The following TGFB2 variants were observed in gnomAD, a reference collection of about 807,000 sequenced individuals.
The protein encoded by TGFB2 is transforming growth factor beta 2.
In TGFB2, 13 loss-of-function variants were observed where a neutral mutation model predicts 42.7. The observed-to-expected ratio is 0.30, with a 90% CI of 0.20 to 0.48. The LOEUF is 0.48. Ranked by LOEUF, TGFB2 falls within the 20% of genes least tolerant of loss-of-function variation. The pLI is 0.99. For synonymous variants in TGFB2, 193 were observed against 193.6 expected (o/e 1.00, Z 0.03); for missense variants, 390 against 517.5 (o/e 0.75, Z 2.39).
chr1:218,418,629 G>A (rs1285843741), intron 2 of TGFB2, among the ~76,000 whole-genome samples: 1 of 152,258 alleles, frequency 6.6e-6, no homozygotes, highest in East Asian at 1.9e-4. Context: ...AGAATGGTAT[G>A]GTTTGGCTGT....
At position 218,374,829 on chromosome 1, in the gene TGFB2, C is replaced by T. The variant is rs1657688421; in HGVS notation, c.346+27782C>T. On this transcript the variant is annotated intron_variant, in intron 1 of 6. Transcript: ENST00000366930. ...TCCCTCTGTGAGTTCAAACTGCTGT[C>T]ACTGGAGTTATAAAGGGACATTTAG... is the stretch of plus-strand genomic sequence containing the variant. Among the ~76,000 whole-genome samples, 11 of 152,160 alleles carry T rather than the reference C, an allele frequency of 7.2e-5. 1 individual carries two copies. Among genetic ancestry groups the T allele is most frequent in the Admixed American group, 7.2e-4 (11 of 15,264 alleles).
chr1:218,439,507 C>T (rs1271745609), intron 6 of TGFB2, among the ~76,000 whole-genome samples: 3 of 152,094 alleles, frequency 2.0e-5, no homozygotes, highest in African/African-American at 7.2e-5. Context: ...GTTCAGGGAG[C>T]ATAAAGTATA....
chr1:218,402,670 A>G (rs2102591956), intron 1 of TGFB2, among the ~76,000 whole-genome samples: 1 of 152,334 alleles, frequency 6.6e-6, no homozygotes, highest in Middle Eastern at 3.4e-3. Context: ...TGTTTGTGAA[A>G]GTGGAAGAGG....
intron 2 of TGFB2, among the ~76,000 whole-genome samples, chr1:218,421,373 GT>G (rs5742078): frequency 0.35 from 50,990 of 145,884 alleles, 9,348 homozygotes; most frequent in East Asian, 0.71. Flanking sequence ...CCAAGAAGCA[GT>G]TTTTTTTTTT....
chr1:218,402,812 G>A (rs996456387), intron 1 of TGFB2, among the ~76,000 whole-genome samples: 1 of 152,192 alleles, frequency 6.6e-6, no homozygotes, highest in Non-Finnish European at 1.5e-5. Context: ...AGCTTCTGCT[G>A]TCTAATGCGG....
At chr1:218,387,997 C>T (rs1032716083) in intron 1 of TGFB2, among the ~76,000 whole-genome samples, 2 of 151,964 alleles carry the variant, frequency 1.3e-5, no homozygotes, top group Admixed American at 6.6e-5. Context: ...CTGGAAGGCC[C>T]ATAGACAGCA....
intron 1 of TGFB2, among the ~76,000 whole-genome samples, chr1:218,361,061 G>A (rs1486394324): frequency 6.6e-6 from 1 of 152,182 alleles, no homozygotes; most frequent in Non-Finnish European, 1.5e-5. Context: ...CACCATATTG[G>A]CCAGGCTGGT....
Position 218,427,004 on chromosome 1 carries a change from A to G in TGFB2, c.511-7078A>G, listed in dbSNP as rs930601025. Among the ~76,000 whole-genome samples, 14 of 152,156 alleles carry G rather than the reference A, an allele frequency of 9.2e-5. 1 individual carries two copies. Among genetic ancestry groups the G allele is most frequent in the Admixed American group, 6.5e-4 (10 of 15,280 alleles). ...TCTGAAGTAGAGATGTTTAAGGACA[A>G]TTGCTGAGCAACCTGAGTGTAGGAT... On this transcript the variant is annotated intron_variant, in intron 2 of 6. Transcript: ENST00000366930.
chr1:218,404,557 T>C (rs1228627043), intron 1 of TGFB2, among the ~76,000 whole-genome samples: 2 of 152,226 alleles, frequency 1.3e-5, no homozygotes, highest in African/African-American at 2.4e-5. Context: ...GCATAAAGAA[T>C]TTTAAAACTG....
chr1:218,436,133 G>C lies in TGFB2; in HGVS notation c.918G>C (p.Ala306=). The C allele has an allele frequency of 6.2e-7, 1 of 1,610,604 alleles. No individual in the cohort carries two copies. Among genetic ancestry groups the C allele is most frequent in the Non-Finnish European group, 8.5e-7 (1 of 1,179,026 alleles). The change falls in exon 5 of 7, where the codon GCG becomes GCC. Residue 306 remains alanine (A), a synonymous_variant. Coordinates refer to ENST00000366930, the MANE Select transcript of TGFB2 (RefSeq NM_003238.6). The part of the protein sequence containing the change: ...TNRRKKRALD[A]AYCFRNVQDN... ...GGCGGAAGAAGCGTGCTTTGGATGC[G>C]GCCTATTGCTTTAGGTAAAGGAAAG...
rs1272370707 is a variant in TGFB2, at chr1:218,395,610, TC to T, written c.347-9558del. Among the ~76,000 whole-genome samples the T allele has an allele frequency of 2.9e-5, 4 of 138,390 alleles. No individual in the cohort carries two copies. The East Asian group carries it at 5.9e-4, about 21-fold the overall frequency. 90.8% of individuals were successfully genotyped at this position (138,390 alleles called of 152,430 possible). ...CTCTTGATTTATTTTCTTTTCTTTT[TC>T]TTTTTTTTTTTTTTTGTTGAGATGG... On this transcript the variant is annotated intron_variant, in intron 1 of 6. Transcript: ENST00000366930.
chr1:218,360,348 T>G (rs376784874), intron 1 of TGFB2, among the ~76,000 whole-genome samples: 16 of 152,380 alleles, frequency 1.1e-4, no homozygotes, highest in South Asian at 1.0e-3. Context: ...TTAATTACTT[T>G]GTAAATTACC....
chr1:218,394,289 C>T (rs6697137), intron 1 of TGFB2, among the ~76,000 whole-genome samples: 5,612 of 152,192 alleles, frequency 0.037, 332 homozygotes, highest in African/African-American at 0.13. Flanking sequence ...GTACACCCTA[C>T]ACAAACTGCC....
chr1:218,414,917 G>A (rs1009664536), intron 2 of TGFB2, among the ~76,000 whole-genome samples: 2 of 152,160 alleles, frequency 1.3e-5, no homozygotes, highest in African/African-American at 4.8e-5. Flanking sequence ...AAGAAGCAGA[G>A]CCAGGATTTG....
At chr1:218,353,623 G>A (rs967499962) in intron 1 of TGFB2, among the ~76,000 whole-genome samples, 6 of 152,216 alleles carry the variant, frequency 3.9e-5, no homozygotes, top group African/African-American at 1.4e-4. Flanking sequence ...TCTGCCTGGT[G>A]TGGTGGCCCA....
At chr1:218,387,513 G>T (rs149603912) in intron 1 of TGFB2, among the ~76,000 whole-genome samples, 109 of 152,212 alleles carry the variant, frequency 7.2e-4, no homozygotes, top group African/African-American at 2.5e-3. Context: ...TAACCTCAAG[G>T]GCAGGTAGTG....
rs1232445204 is a variant in TGFB2 at position 218,443,139 on chromosome 1, T to A, written c.*1777T>A. On this transcript the variant is annotated 3_prime_UTR_variant, in exon 7 of 7. Coordinates refer to ENST00000366930, the MANE Select transcript of TGFB2 (RefSeq NM_003238.6). Reference sequence around the variant, plus strand: ...AAAAGGCACAAGCCAATTTTTCCTATGATCAAAAAATTCTTTCTTTCCTCT... The same window carrying A: ...AAAAGGCACAAGCCAATTTTTCCTAAGATCAAAAAATTCTTTCTTTCCTCT... 6.6e-6 allele frequency: 1 copy of A among 152,252 alleles called. No homozygotes were observed. The highest frequency in any genetic ancestry group is 1.9e-4 in the East Asian group (1 of 5,204). The allele number at this position is 152,252 out of a possible 1,614,324, so 9.4% of individuals were successfully genotyped here.
intron 2 of TGFB2, among the ~76,000 whole-genome samples, chr1:218,406,522 A>C (rs1343182716): frequency 6.6e-6 from 1 of 152,180 alleles, no homozygotes; most frequent in African/African-American, 2.4e-5. Flanking sequence ...CCACTTGAAA[A>C]ATCCTGAGTC....
intron 2 of TGFB2, among the ~76,000 whole-genome samples, chr1:218,411,531 C>T (rs1659098096): frequency 6.6e-6 from 1 of 152,084 alleles, no homozygotes; most frequent in Admixed American, 6.6e-5. Flanking sequence ...TACATGGGGA[C>T]TCAGGTGTGC....
Sources: gnomAD v4.1 joint callset for allele counts (sites outside exome capture counted in the v4.1 genomes callset) on GRCh38, gnomAD v4.1.1 for gene constraint, MANE v1.5 for transcripts, NCBI Gene and HGNC (gene_info 2026-07-23, HGNC 2026-07-21) for gene names.